The following ZFHX3 variants were observed in gnomAD, a reference collection of about 807,000 sequenced individuals.
ZFHX3 encodes the protein zinc finger homeobox protein 3.
Under a neutral mutation model 279.1 loss-of-function variants are expected in ZFHX3, and 42 were observed. That is an observed-to-expected ratio of 0.15 (90% CI 0.12 to 0.19). The LOEUF (loss-of-function observed/expected upper bound fraction) is 0.19. Among genes scored for constraint, ZFHX3 ranks in the 10% least tolerant of loss-of-function variants. ZFHX3 has a pLI of 1.00. For synonymous variants in ZFHX3, 2,293 were observed against 1,957.8 expected (o/e 1.17, Z -4.52); for missense variants, 4,981 against 4,754.0 (o/e 1.05, Z -1.40).
rs369728402 is a variant in ZFHX3 at position 73,608,069 on chromosome 16, G to A, written c.-1547+72111C>T. 2.9e-3 allele frequency among the ~76,000 whole-genome samples: 438 copies of A among 149,966 alleles called. 2 individuals carry two copies. The highest frequency in any genetic ancestry group is 8.4e-3 in the Admixed American group (127 of 15,122). ...AGCCTGGGGAACAGAACAAGACTCT[G>A]TCTCAAAAGAAAAAAAAAAAAGAGA... On this transcript the variant is annotated intron_variant, in intron 2 of 17. Transcript: ENST00000641206.
At chr16:73,358,991 T>A (rs2016390799) in intron 3 of ZFHX3, among the ~76,000 whole-genome samples, 1 of 152,200 alleles carries the variant, frequency 6.6e-6, no homozygotes, top group South Asian at 2.1e-4. Context: ...TAATAAGTAT[T>A]TAATAAATGC....
rs1252603163 is a variant in ZFHX3, at chr16:72,797,685, G to A, written c.4997C>T (p.Ser1666Phe). 1 of 1,614,164 alleles carries A rather than the reference G, an allele frequency of 6.2e-7. No homozygotes were observed. The highest frequency in any genetic ancestry group is 1.3e-5 in the African/African-American group (1 of 75,042). The stretch of plus-strand genomic sequence containing the variant: ...AGCAATGCCAGCACTGCTTGGATTG[G>A]AGGTGGTAAAGGTGTTACTGCCACT... The part of the protein sequence containing the change: ...STSGSNTFTT[S>F]NPSSAGIAPS... The change falls in exon 9 of 10, where the codon TCC (serine) becomes TTC (phenylalanine). Residue 1666 changes from serine (S) to phenylalanine (F), a missense_variant. Ser to Phe is a radical substitution (Grantham distance 155). This residue lies in a region of ZFHX3 where 1,751 missense variants were observed against 1,770.0 expected (regional missense o/e 0.99). Coordinates refer to ENST00000268489, the MANE Select transcript of ZFHX3 (RefSeq NM_006885.4).
At chr16:72,945,878 C>T (rs1028368801) in intron 3 of ZFHX3, among the ~76,000 whole-genome samples, 15 of 152,168 alleles carry the variant, frequency 9.9e-5, no homozygotes, top group African/African-American at 2.2e-4. Flanking sequence ...CACCTACGGA[C>T]GTAAAATGTG....
intron 1 of ZFHX3, among the ~76,000 whole-genome samples, chr16:72,963,314 C>A (rs77209626): frequency 0.023 from 3,555 of 152,288 alleles, 82 homozygotes; most frequent in South Asian, 0.062. Context: ...GCACCCGGAA[C>A]TCCCTCTAAA....
At chr16:73,040,801 A>G (rs1467181914) in intron 1 of ZFHX3, among the ~76,000 whole-genome samples, 1 of 152,254 alleles carries the variant, frequency 6.6e-6, no homozygotes, top group Non-Finnish European at 1.5e-5. Flanking sequence ...GCTTTTCAGT[A>G]TGTGAAGTGG....
intron 2 of ZFHX3, among the ~76,000 whole-genome samples, chr16:73,548,404 G>A (rs2020154786): frequency 6.6e-6 from 1 of 151,314 alleles, no homozygotes; most frequent in Non-Finnish European, 1.5e-5. Context: ...GTGCTTAACT[G>A]GGTTTTCATT....
intron 5 of ZFHX3, among the ~76,000 whole-genome samples, chr16:73,222,732 T>C (rs575470426): frequency 1.3e-5 from 2 of 152,072 alleles, no homozygotes; most frequent in East Asian, 3.9e-4. Flanking sequence ...AAAGTTTATA[T>C]GAAGATGCCA....
At chr16:73,125,592 T>C (rs1966555302) in intron 7 of ZFHX3, among the ~76,000 whole-genome samples, 1 of 151,718 alleles carries the variant, frequency 6.6e-6, no homozygotes, top group Non-Finnish European at 1.5e-5. Context: ...GGCAGAAAAA[T>C]GTGAAGAGAG....
At chr16:73,627,191 G>A (rs1307195246) in intron 2 of ZFHX3, among the ~76,000 whole-genome samples, 3 of 152,298 alleles carry the variant, frequency 2.0e-5, no homozygotes, top group East Asian at 3.9e-4. Flanking sequence ...AAAAAACACA[G>A]ATGTAGGCAA....
At chr16:73,080,727 C>T (rs1965933247) in intron 8 of ZFHX3, among the ~76,000 whole-genome samples, 1 of 152,104 alleles carries the variant, frequency 6.6e-6, no homozygotes, top group Non-Finnish European at 1.5e-5. Flanking sequence ...GCATACACCA[C>T]CATGCCTGGC....
At chr16:73,516,586 T>C (rs1478224814) in intron 2 of ZFHX3, among the ~76,000 whole-genome samples, 1 of 152,164 alleles carries the variant, frequency 6.6e-6, no homozygotes, top group Non-Finnish European at 1.5e-5. Context: ...TCTGGAATAA[T>C]ATGTAGGGAA....
chr16:72,964,273 AG>A (rs1450526028), intron 1 of ZFHX3, among the ~76,000 whole-genome samples: 4 of 152,242 alleles, frequency 2.6e-5, no homozygotes, highest in African/African-American at 9.6e-5. Context: ...AAAACATAAC[AG>A]GAAAAAAGAG....
intron 1 of ZFHX3, among the ~76,000 whole-genome samples, chr16:73,686,132 G>A (rs2053080714): frequency 6.6e-6 from 1 of 152,086 alleles, no homozygotes; most frequent in Non-Finnish European, 1.5e-5. Context: ...GAGTCTCACT[G>A]TTGCCCAGGC....
intron 1 of ZFHX3, among the ~76,000 whole-genome samples, chr16:73,836,921 C>A (rs1235721559): frequency 1.3e-5 from 2 of 152,242 alleles, no homozygotes; most frequent in Non-Finnish European, 2.9e-5. Flanking sequence ...GCCTCCTTGG[C>A]AAGCCTGCCT....
At chr16:73,446,920 C>T (rs1047540803) in intron 3 of ZFHX3, among the ~76,000 whole-genome samples, 1 of 152,106 alleles carries the variant, frequency 6.6e-6, no homozygotes, top group Non-Finnish European at 1.5e-5. Context: ...GTGGCTCACA[C>T]CTGTAATCCC....
chr16:72,924,945 C>A (rs915886665), intron 3 of ZFHX3, among the ~76,000 whole-genome samples: 1 of 152,142 alleles, frequency 6.6e-6, no homozygotes, highest in Non-Finnish European at 1.5e-5. Context: ...GACCCAAAAA[C>A]GGAGAAGGCA....
chr16:73,760,153 T>G (rs1056710760), intron 1 of ZFHX3, among the ~76,000 whole-genome samples: 4 of 152,100 alleles, frequency 2.6e-5, no homozygotes, highest in Non-Finnish European at 2.9e-5. Flanking sequence ...GAGAATACTA[T>G]AAACACCTCT....
rs923656518 is a variant in ZFHX3, at chr16:73,544,409, G to T, written c.-1546-88151C>A. On this transcript the variant is annotated intron_variant, in intron 2 of 17. Coordinates refer to the ZFHX3 transcript ENST00000641206. ...TAAAAGCCCACCAATCAGGCCTGCC[G>T]GGTCCGGAATTCAGGAGGTCAGCGA... is the stretch of plus-strand genomic sequence containing the variant. Among the ~76,000 whole-genome samples the T allele has an allele frequency of 1.2e-4, 18 of 152,140 alleles. 1 individual carries two copies. The highest frequency in any genetic ancestry group is 4.3e-4 in the African/African-American group (18 of 41,418).
At chr16:73,754,600 C>G (rs1345696581) in intron 1 of ZFHX3, among the ~76,000 whole-genome samples, 3 of 152,176 alleles carry the variant, frequency 2.0e-5, no homozygotes, top group Non-Finnish European at 1.5e-5. Context: ...AGTAAACAAA[C>G]AAATGTTTCC....
Sources: gnomAD v4.1 joint callset for allele counts (sites outside exome capture counted in the v4.1 genomes callset) on GRCh38, gnomAD v4.1.1 for gene constraint, gnomAD v4.1.1 regional missense constraint, MANE v1.5 for transcripts, NCBI Gene and HGNC (gene_info 2026-07-23, HGNC 2026-07-21) for gene names.